Variants in RBFOX1 observed in about 807,000 individuals in gnomAD.
The protein encoded by RBFOX1 is RNA binding fox-1 homolog 1.
RBFOX1 carries 8 observed loss-of-function variants against 57.7 expected under a neutral mutation model. The ratio of observed to expected loss-of-function variants is 0.14; its 90% CI spans 0.08 to 0.25. The LOEUF is 0.25. Ranked by LOEUF, RBFOX1 falls within the 10% of genes least tolerant of loss-of-function variation. The pLI is 1.00. For synonymous variants in RBFOX1, 326 were observed against 222.4 expected (o/e 1.47, Z -4.15); for missense variants, 611 against 548.5 (o/e 1.11, Z -1.14).
At chr16:6,387,755 C>T (rs2092376145) in intron 2 of RBFOX1, among the ~76,000 whole-genome samples, 1 of 151,944 alleles carries the variant, frequency 6.6e-6, no homozygotes. Context: ...GAATCCATGC[C>T]CCTACTTCTC....
At chr16:5,674,816 G>T (rs1327029059) in intron 3 of RBFOX1, among the ~76,000 whole-genome samples, 3 of 152,240 alleles carry the variant, frequency 2.0e-5, no homozygotes, top group Non-Finnish European at 4.4e-5. Context: ...GATATATAAT[G>T]CTGGTCTGGC....
chr16:6,606,819 C>T (rs146886158), intron 2 of RBFOX1, among the ~76,000 whole-genome samples: 1,898 of 152,232 alleles, frequency 0.012, 57 homozygotes, highest in African/African-American at 0.043. Flanking sequence ...AGTGAACATA[C>T]GCGTGCATGT....
At chr16:5,343,017 T>A (rs1184791678) in intron 1 of RBFOX1, among the ~76,000 whole-genome samples, 7 of 152,176 alleles carry the variant, frequency 4.6e-5, no homozygotes, top group Admixed American at 6.5e-5. Flanking sequence ...CAAGACTAAG[T>A]CAATGGCATT....
intron 3 of RBFOX1, among the ~76,000 whole-genome samples, chr16:6,988,881 C>A (rs960848506): frequency 6.6e-6 from 1 of 151,870 alleles, no homozygotes; most frequent in African/African-American, 2.4e-5. Context: ...AGTGATTCTC[C>A]CTGCCTTAGC....
chr16:5,597,856 C>G (rs921328915), intron 2 of RBFOX1, among the ~76,000 whole-genome samples: 13 of 152,198 alleles, frequency 8.5e-5, no homozygotes, highest in African/African-American at 3.1e-4. Context: ...TCAGTTCAAG[C>G]TGAGGCTCCA....
intron 5 of RBFOX1, among the ~76,000 whole-genome samples, chr16:7,551,706 G>C (rs1453176305): frequency 6.6e-6 from 1 of 152,176 alleles, no homozygotes; most frequent in African/African-American, 2.4e-5. Context: ...GGAATAGGCT[G>C]CCAAGGGCCA....
At chr16:6,761,558 A>AGT (rs2154199155) in intron 3 of RBFOX1, among the ~76,000 whole-genome samples, 2 of 113,610 alleles carry the variant, frequency 1.8e-5, no homozygotes, top group East Asian at 6.1e-4. Flanking sequence ...CCCAGGCTGG[A>AGT]GTGCAGTGGT....
intron 3 of RBFOX1, among the ~76,000 whole-genome samples, chr16:5,799,244 A>C (rs543779958): frequency 4.9e-4 from 74 of 152,160 alleles, no homozygotes; most frequent in African/African-American, 1.7e-3. Flanking sequence ...AGTATGGGGG[A>C]AACTGCCCCC....
At chr16:5,992,571 T>C (rs1596360466) in intron 4 of RBFOX1, among the ~76,000 whole-genome samples, 1 of 152,270 alleles carries the variant, frequency 6.6e-6, no homozygotes, top group East Asian at 1.9e-4. Flanking sequence ...CTTATGTGTG[T>C]GTTGGGGAGT....
chr16:7,441,610 C>T (rs1256017538), intron 4 of RBFOX1, among the ~76,000 whole-genome samples: 1 of 152,098 alleles, frequency 6.6e-6, no homozygotes, highest in Non-Finnish European at 1.5e-5. Context: ...CTTTTTTCCC[C>T]CCTGTTATTA....
chr16:7,038,474 C>G (rs559015436), intron 3 of RBFOX1, among the ~76,000 whole-genome samples: 11 of 152,190 alleles, frequency 7.2e-5, no homozygotes, highest in African/African-American at 2.2e-4. Flanking sequence ...TAAAAATGTA[C>G]CTGGGGTAAT....
At position 5,947,406 on chromosome 16, in the gene RBFOX1, C is replaced by T. The variant is rs1048034358; in HGVS notation, c.351+80071C>T. Among the ~76,000 whole-genome samples, 37 of 152,154 alleles carry T rather than the reference C, an allele frequency of 2.4e-4. No individual in the cohort carries two copies. The highest frequency in any genetic ancestry group is 7.5e-4 in the African/African-American group (31 of 41,436). ...TTGTTTTCAGACAGGGTCTTGCTCT[C>T]GCTCAGACTGGAGTGCATTGGTATG... On this transcript the variant is annotated intron_variant, in intron 4 of 19. Coordinates refer to the RBFOX1 transcript ENST00000641259. This position sits in a 1 kb window ranked among gnomAD's most constrained non-coding sequence, Gnocchi z 7.2.
At chr16:5,244,120 C>G (rs2062236105) in intron 1 of RBFOX1, among the ~76,000 whole-genome samples, 1 of 152,180 alleles carries the variant, frequency 6.6e-6, no homozygotes, top group African/African-American at 2.4e-5. Context: ...TGGTCTCAAA[C>G]TCCTGACCTG....
intron 3 of RBFOX1, among the ~76,000 whole-genome samples, chr16:6,931,297 C>CTATG (rs1173301627): frequency 9.0e-6 from 1 of 111,226 alleles, no homozygotes; most frequent in Non-Finnish European, 1.8e-5. Flanking sequence ...GTCTGTCTGT[C>CTATG]TATCTATCTA....
At chr16:6,330,901 TG>T (rs1168797344) in intron 2 of RBFOX1, among the ~76,000 whole-genome samples, 1 of 152,060 alleles carries the variant, frequency 6.6e-6, no homozygotes, top group Non-Finnish European at 1.5e-5. Context: ...TCGGTGGTTT[TG>T]GGGAATTAAA....
At chr16:6,778,131 G>A (rs1291828986) in intron 3 of RBFOX1, among the ~76,000 whole-genome samples, 1 of 152,132 alleles carries the variant, frequency 6.6e-6, no homozygotes, top group African/African-American at 2.4e-5. Flanking sequence ...TGCGCAGTGC[G>A]ATTAAACAGT....
intron 3 of RBFOX1, among the ~76,000 whole-genome samples, chr16:5,787,515 C>A (rs907238542): frequency 6.6e-6 from 1 of 152,136 alleles, no homozygotes; most frequent in African/African-American, 2.4e-5. Context: ...TAAACCTGAC[C>A]CCATACTCAA....
intron 4 of RBFOX1, among the ~76,000 whole-genome samples, chr16:7,305,453 C>G (rs764295238): frequency 5.3e-5 from 8 of 152,076 alleles, no homozygotes; most frequent in Non-Finnish European, 8.8e-5. Context: ...AGATGAAAAT[C>G]CTTTCTCCCT....
chr16:5,449,566 G>T (rs145855503), intron 1 of RBFOX1, among the ~76,000 whole-genome samples: 4 of 152,232 alleles, frequency 2.6e-5, no homozygotes, highest in Non-Finnish European at 5.9e-5. Context: ...CATGCTTTCT[G>T]TGCAGTCTAA....
Sources: gnomAD v4.1 joint callset for allele counts (sites outside exome capture counted in the v4.1 genomes callset) on GRCh38, gnomAD v4.1.1 for gene constraint, Gnocchi (gnomAD v3.1) non-coding constraint, MANE v1.5 for transcripts, NCBI Gene and HGNC (gene_info 2026-07-23, HGNC 2026-07-21) for gene names.